The following CATSPERT variants were observed in gnomAD, a reference collection of about 807,000 sequenced individuals.
The protein encoded by CATSPERT is catsper channel auxiliary subunit tau.
chr2:201,523,343 G>A, the CATSPERT span, among the ~76,000 whole-genome samples: 1 of 152,128 alleles, frequency 6.6e-6, no homozygotes, highest in Non-Finnish European at 1.5e-5. Flanking sequence ...CTGGTGCTAG[G>A]CCCCCAGGGT....
At chr2:201,536,312 A>G in the CATSPERT span, 1 of 1,590,978 alleles carries the variant, frequency 6.3e-7, no homozygotes, top group South Asian at 1.1e-5. Flanking sequence ...CAGAATCATT[A>G]TCCAGTAACT....
the CATSPERT span, chr2:201,488,052 A>C: frequency 1.5e-6 from 1 of 682,314 alleles, no homozygotes; most frequent in East Asian, 2.7e-5. Flanking sequence ...AAAGACAAAG[A>C]ATGAAAACAC....
chr2:201,576,932 C>T, the CATSPERT span, among the ~76,000 whole-genome samples: 100 of 152,260 alleles, frequency 6.6e-4, 1 homozygote, highest in East Asian at 9.6e-4. Context: ...TTTTAAACCA[C>T]GTTAACCTTT....
chr2:201,564,441 C>A, the CATSPERT span, among the ~76,000 whole-genome samples: 16 of 146,824 alleles, frequency 1.1e-4, no homozygotes, highest in East Asian at 6.2e-4. Context: ...GAGAAAAAAA[C>A]CAATAATTTA....
chr2:201,576,459 C>G, the CATSPERT span, among the ~76,000 whole-genome samples: 1 of 152,214 alleles, frequency 6.6e-6, no homozygotes, highest in Non-Finnish European at 1.5e-5. Flanking sequence ...CTCTTCCTTG[C>G]AAGACCAATG....
At chr2:201,525,961 G>T in the CATSPERT span, among the ~76,000 whole-genome samples, 4 of 151,918 alleles carry the variant, frequency 2.6e-5, no homozygotes, top group African/African-American at 9.7e-5. Context: ...TTCCAAAATT[G>T]AATCAGTAAT....
At chr2:201,583,508 T>C in the CATSPERT span, among the ~76,000 whole-genome samples, 5 of 152,256 alleles carry the variant, frequency 3.3e-5, no homozygotes, top group African/African-American at 4.8e-5. Context: ...TAAAATGGTT[T>C]ACATGGTAAA....
chr2:201,616,821 C>G, the CATSPERT span, among the ~76,000 whole-genome samples: 1 of 152,164 alleles, frequency 6.6e-6, no homozygotes, highest in Non-Finnish European at 1.5e-5. Context: ...ATCGCCTCAG[C>G]CCAAAATCTC....
chr2:201,614,357 T>A, the CATSPERT span, among the ~76,000 whole-genome samples: 2 of 152,118 alleles, frequency 1.3e-5, no homozygotes. Flanking sequence ...TAACAGCAGA[T>A]CTCTTGGCAG....
the CATSPERT span, chr2:201,554,761 T>G: frequency 2.0e-5 from 3 of 152,330 alleles, no homozygotes; most frequent in Non-Finnish European, 4.4e-5. Flanking sequence ...GAAGCAACAC[T>G]AATTCCAACT....
chr2:201,602,533 A>T, the CATSPERT span, among the ~76,000 whole-genome samples: 1 of 152,322 alleles, frequency 6.6e-6, no homozygotes, highest in Admixed American at 6.5e-5. Context: ...AATATAAATT[A>T]AATCCTTTTA....
chr2:201,592,285 A>C, the CATSPERT span, among the ~76,000 whole-genome samples: 1 of 147,100 alleles, frequency 6.8e-6, no homozygotes, highest in Non-Finnish European at 1.5e-5. Context: ...GATTACATTT[A>C]TTGATTTGCA....
chr2:201,499,438 A>G, the CATSPERT span, among the ~76,000 whole-genome samples: 1 of 152,174 alleles, frequency 6.6e-6, no homozygotes, highest in South Asian at 2.1e-4. Context: ...TGATGCATCT[A>G]TCTCTGGAAT....
the CATSPERT span, among the ~76,000 whole-genome samples, chr2:201,607,804 G>A: frequency 6.6e-6 from 1 of 152,312 alleles, no homozygotes; most frequent in South Asian, 2.1e-4. Flanking sequence ...GAATGTCATT[G>A]TATTTGGAGA....
chr2:201,493,475 T>A, the CATSPERT span: 3 of 1,537,198 alleles, frequency 2.0e-6, no homozygotes, highest in Admixed American at 5.9e-5. Context: ...AGCAAAGAAC[T>A]CTTATGGTGT....
chr2:201,610,278 C>T, the CATSPERT span, among the ~76,000 whole-genome samples: 1 of 151,976 alleles, frequency 6.6e-6, no homozygotes, highest in South Asian at 2.1e-4. Context: ...CACAGTGAAA[C>T]CCCGTCTCTA....
At chr2:201,551,991 C>CT in the CATSPERT span, among the ~76,000 whole-genome samples, 145 of 144,310 alleles carry the variant, frequency 1.0e-3, no homozygotes, top group East Asian at 2.2e-3. Context: ...TTGTTTCTTT[C>CT]TTTTTTTTTT....
chr2:201,538,724 C>T, the CATSPERT span, among the ~76,000 whole-genome samples: 3 of 152,032 alleles, frequency 2.0e-5, no homozygotes, highest in East Asian at 5.8e-4. Context: ...TATAGGTAAA[C>T]GTGTGTCATG....
chr2:201,603,872 T>C, the CATSPERT span, among the ~76,000 whole-genome samples: 1 of 152,202 alleles, frequency 6.6e-6, no homozygotes, highest in Non-Finnish European at 1.5e-5. Flanking sequence ...CCATGTTTAG[T>C]ATTTAAAACC....
Sources: gnomAD v4.1 joint callset for allele counts (sites outside exome capture counted in the v4.1 genomes callset) on GRCh38, gnomAD v4.1.1 for gene constraint, MANE v1.5 for transcripts, NCBI Gene and HGNC (gene_info 2026-07-23, HGNC 2026-07-21) for gene names.